Variants in SYT13 observed in about 807,000 individuals in gnomAD.
SYT13 encodes the protein synaptotagmin-13.
A neutral mutation model predicts 38.6 loss-of-function variants in SYT13; 21 were observed. The ratio of observed to expected loss-of-function variants is 0.54; its 90% CI spans 0.39 to 0.78. The LOEUF is 0.78. Ranked by LOEUF, SYT13 falls within the 30% of genes least tolerant of loss-of-function variation. The pLI, the probability that SYT13 is intolerant of heterozygous loss-of-function variation, is 0.00. For synonymous variants in SYT13, 241 were observed against 237.6 expected, an observed-to-expected ratio of 1.01 and a Z score of -0.13; for missense variants, 495 against 548.7, an observed-to-expected ratio of 0.90 and a Z score of 0.98.
At position 45,281,884 on chromosome 11, in the gene SYT13, C is replaced by T. The variant is rs1279772990; in HGVS notation, c.183+4141G>A. Among the ~76,000 whole-genome samples the T allele has an allele frequency of 2.6e-5, 4 of 152,240 alleles. No individual in the cohort carries two copies. The East Asian group carries it at 5.8e-4, about 22-fold the overall frequency. ...AAGAAGGCTTTCTGAAAACAGGAGG[C>T]GGGTGCCTGCCAAATGGTAGGGGTA... On this transcript the variant is annotated intron_variant, in intron 1 of 5. Coordinates refer to ENST00000020926, the MANE Select transcript of SYT13 (RefSeq NM_020826.3).
intron 1 of SYT13, among the ~76,000 whole-genome samples, chr11:45,277,901 C>G (rs1451033647): frequency 1.3e-5 from 2 of 152,182 alleles, no homozygotes; most frequent in African/African-American, 4.8e-5. Flanking sequence ...CTGGTTTGCC[C>G]CATTATACCA....
intron 1 of SYT13, among the ~76,000 whole-genome samples, chr11:45,266,226 G>C (rs1202449637): frequency 6.6e-6 from 1 of 152,066 alleles, no homozygotes; most frequent in Non-Finnish European, 1.5e-5. Flanking sequence ...AGGATCCACT[G>C]GTCTCTAAAC....
At chr11:45,255,182 T>A (rs1854729283) in intron 2 of SYT13, among the ~76,000 whole-genome samples, 1 of 152,138 alleles carries the variant, frequency 6.6e-6, no homozygotes, top group Non-Finnish European at 1.5e-5. Context: ...TTTTGTTACC[T>A]CCTTTGTGCC....
At chr11:45,256,988 A>G (rs1854756062) in intron 1 of SYT13, among the ~76,000 whole-genome samples, 1 of 152,178 alleles carries the variant, frequency 6.6e-6, no homozygotes, top group Non-Finnish European at 1.5e-5. Context: ...GCATGCAATC[A>G]ATACCTGTGA....
chr11:45,286,131 AC>A lies in SYT13; in HGVS notation c.76del (p.Val26SerfsTer64). On this transcript the variant is annotated frameshift_variant, in exon 1 of 6. Transcript: ENST00000020926. LOFTEE classifies it high-confidence loss of function. ...TATSILALCGVTCLCRHMHPK... is the reference protein window; with the variant it reads ...TATSILALCGXTCLCRHMHPK... The stretch of plus-strand genomic sequence containing the variant: ...GTGCATGTGCCGACACAGGCAGGTG[AC>A]CCCGCACAACGCGAGGATGCTGGTG... 6.3e-7 allele frequency: 1 copy of A among 1,597,490 alleles called. No individual in the cohort carries two copies. Among genetic ancestry groups the A allele is most frequent in the Non-Finnish European group, 8.5e-7 (1 of 1,174,588 alleles).
At chr11:45,256,965 C>T (rs1384345925) in intron 1 of SYT13, among the ~76,000 whole-genome samples, 2 of 152,188 alleles carry the variant, frequency 1.3e-5, no homozygotes, top group African/African-American at 4.8e-5. Flanking sequence ...AGCATGGTGT[C>T]AGCTCACAGG....
rs186617153 is a variant in SYT13, at chr11:45,251,509, C to G, written c.846+912G>C. Among the ~76,000 whole-genome samples the G allele has an allele frequency of 1.5e-3, 230 of 151,776 alleles. 1 individual carries two copies. Among genetic ancestry groups the G allele is most frequent in the African/African-American group, 5.0e-3 (206 of 41,364 alleles). On this transcript the variant is annotated intron_variant, in intron 4 of 5. Coordinates refer to ENST00000020926, the MANE Select transcript of SYT13 (RefSeq NM_020826.3). ...ATAATAACACCTATTTGGGGCTATG[C>G]AGGTTATACAGTCTTTAGATCAGTA...
At chr11:45,257,641 CTTTA>C (rs904814298) in intron 1 of SYT13, among the ~76,000 whole-genome samples, 7 of 152,242 alleles carry the variant, frequency 4.6e-5, no homozygotes, top group Admixed American at 1.3e-4. Flanking sequence ...TTTGTACCCT[CTTTA>C]TTTAATTATC....
Position 45,252,895 on chromosome 11 carries a change from T to C in SYT13, c.545-173A>G, listed in dbSNP as rs1207333472. Among the ~76,000 whole-genome samples the C allele has an allele frequency of 6.6e-6, 1 of 152,076 alleles. No individual in the cohort carries two copies. The highest frequency in any genetic ancestry group is 1.5e-5 in the Non-Finnish European group (1 of 68,014). On this transcript the variant is annotated intron_variant, in intron 3 of 5. Coordinates refer to ENST00000020926, the MANE Select transcript of SYT13 (RefSeq NM_020826.3). The surrounding 1 kb of genome is among the most constrained non-coding windows in gnomAD (Gnocchi z 4.3). ...CGCCTTTCAGTGAGACATTTAGAAA[T>C]AGATCATTTGAGGGGGCTGGCCTCA...
chr11:45,257,638 CCT>C (rs1854765055), intron 1 of SYT13, among the ~76,000 whole-genome samples: 1 of 152,164 alleles, frequency 6.6e-6, no homozygotes, highest in African/African-American at 2.4e-5. Flanking sequence ...ATTTTTGTAC[CCT>C]CTTTATTTAA....
At position 45,286,037 on chromosome 11, in the gene SYT13, C is replaced by G; in HGVS notation, c.171G>C (p.Gly57=). ...CGCCCCCGCTCACCTGTTGTGCAGA[C>G]CCGAGCAAGCTGGGCTTCGCCTTCT... ...DLEKAKPSLL[G]SAQQFNVKKS... Residue 57 remains glycine, a synonymous_variant, in exon 1 of 6, where the codon GGG becomes GGC. Coordinates refer to ENST00000020926, the MANE Select transcript of SYT13 (RefSeq NM_020826.3). 6.2e-7 allele frequency: 1 copy of G among 1,608,298 alleles called. No homozygotes were observed. The highest frequency in any genetic ancestry group is 8.5e-7 in the Non-Finnish European group (1 of 1,179,578).
chr11:45,251,525 T>G (rs1854674950), intron 4 of SYT13, among the ~76,000 whole-genome samples: 1 of 152,134 alleles, frequency 6.6e-6, no homozygotes, highest in Admixed American at 6.6e-5. Context: ...ATACAGTCTT[T>G]AGATCAGTAT....
chr11:45,242,724 T>C lies in SYT13; in HGVS notation c.*1328A>G, dbSNP rs1854566567. On this transcript the variant is annotated 3_prime_UTR_variant, in exon 6 of 6. Transcript: ENST00000020926. The stretch of plus-strand genomic sequence containing the variant: ...GGCTTCCTAGTCATTAGTCCTATCT[T>C]ACACAGCTGGCCAAACAGGTGCTGA... 1 of 152,070 alleles carries C rather than the reference T, an allele frequency of 6.6e-6. No individual in the cohort carries two copies. The highest frequency in any genetic ancestry group is 1.5e-5 in the Non-Finnish European group (1 of 68,022). The allele number at this position is 152,070 out of a possible 1,614,324, so 9.4% of individuals were successfully genotyped here.
intron 3 of SYT13, among the ~76,000 whole-genome samples, chr11:45,253,230 T>C (rs1398178868): frequency 6.6e-6 from 1 of 152,240 alleles, no homozygotes; most frequent in Non-Finnish European, 1.5e-5. Context: ...CTTTTCTGAC[T>C]GGCTCTTCAG....
chr11:45,259,346 G>A (rs1214769963), intron 1 of SYT13, among the ~76,000 whole-genome samples: 1 of 152,174 alleles, frequency 6.6e-6, no homozygotes, highest in Non-Finnish European at 1.5e-5. Flanking sequence ...GAAAAGGGCT[G>A]GGCTTCATTC....
At chr11:45,265,318 A>G (rs144813014) in intron 1 of SYT13, among the ~76,000 whole-genome samples, 293 of 152,360 alleles carry the variant, frequency 1.9e-3, no homozygotes, top group African/African-American at 6.7e-3. Context: ...CGACATTTGC[A>G]GTGTCTGGAG....
intron 1 of SYT13, among the ~76,000 whole-genome samples, chr11:45,285,611 T>C (rs1855124854): frequency 6.6e-6 from 1 of 152,120 alleles, no homozygotes; most frequent in Non-Finnish European, 1.5e-5. Flanking sequence ...CCCAGTCTTC[T>C]TCCCAATTCT....
intron 1 of SYT13, among the ~76,000 whole-genome samples, chr11:45,276,353 G>A (rs1253824933): frequency 1.3e-5 from 2 of 152,140 alleles, no homozygotes; most frequent in East Asian, 3.9e-4. Flanking sequence ...AACACCACAT[G>A]TTCTCACTCA....
chr11:45,254,550 C>T (rs1854719613), intron 2 of SYT13, 146 bp from the exon 3 acceptor site: 2 of 1,163,146 alleles, frequency 1.7e-6, no homozygotes, highest in Non-Finnish European at 2.3e-6. Flanking sequence ...CACACCAAGA[C>T]AACAGGTGGG....
Sources: gnomAD v4.1 joint callset for allele counts (sites outside exome capture counted in the v4.1 genomes callset) on GRCh38, gnomAD v4.1.1 for gene constraint, Gnocchi (gnomAD v3.1) non-coding constraint, MANE v1.5 for transcripts, NCBI Gene and HGNC (gene_info 2026-07-23, HGNC 2026-07-21) for gene names.